The following FANCD2OS variants were observed in gnomAD, a reference collection of about 807,000 sequenced individuals.
FANCD2OS encodes the protein FANCD2 opposite strand protein.
In FANCD2OS, 11 loss-of-function variants were observed where a neutral mutation model predicts 13.2. The observed-to-expected ratio is 0.83, with a 90% CI of 0.52 to 1.38. FANCD2OS has a LOEUF of 1.38. FANCD2OS is among the 40% of genes most tolerant of loss of function. FANCD2OS has a pLI of 0.00. For synonymous variants in FANCD2OS, 69 were observed against 84.5 expected (o/e 0.82, Z 1.01); for missense variants, 217 against 213.9 (o/e 1.01, Z -0.09).
chr3:10,100,591 C>T (rs1250134384), downstream of FANCD2OS, among the ~76,000 whole-genome samples: 1 of 152,126 alleles, frequency 6.6e-6, no homozygotes, highest in Non-Finnish European at 1.5e-5. Context: ...GGGCTGGTCT[C>T]GAACTCCTAA....
chr3:10,090,015 A>G (rs923961098), intron 2 of FANCD2OS, among the ~76,000 whole-genome samples: 1 of 152,200 alleles, frequency 6.6e-6, no homozygotes, highest in African/African-American at 2.4e-5. Context: ...ATAAACATAG[A>G]ACCAGGACTC....
downstream of FANCD2OS, chr3:10,099,459 C>CAA: frequency 2.2e-6 from 1 of 459,368 alleles, no homozygotes; most frequent in Non-Finnish European, 3.0e-6. Context: ...CCTATCTCCA[C>CAA]AAAAAAAATG....
intron 2 of FANCD2OS, chr3:10,094,178 A>T (rs1242870782): frequency 3.8e-6 from 3 of 786,710 alleles, no homozygotes; most frequent in East Asian, 2.5e-5. Flanking sequence ...TTTGTTTTTT[A>T]TATATATAAA....
chr3:10,108,296 G>C (rs1181175959), upstream of FANCD2OS: 2 of 152,230 alleles, frequency 1.3e-5, no homozygotes, highest in Non-Finnish European at 2.9e-5. Context: ...TGTTCGTGGC[G>C]CCTGGCAACC....
chr3:10,105,192 TAC>T, intron 1 of FANCD2OS, among the ~76,000 whole-genome samples: 1 of 152,326 alleles, frequency 6.6e-6, no homozygotes, highest in East Asian at 1.9e-4. Context: ...AGGGAATGAT[TAC>T]AAGTATTGAT....
chr3:10,106,475 T>C (rs1695497591), intron 1 of FANCD2OS, among the ~76,000 whole-genome samples: 1 of 152,218 alleles, frequency 6.6e-6, no homozygotes, highest in Non-Finnish European at 1.5e-5. Context: ...GTCCCTTTTC[T>C]TTCTAGCCAA....
In FANCD2OS at chr3:10,085,786, A is replaced by T. The variant is rs199616966; in HGVS notation, c.*44-4255T>A. ...CAAGTAGTTTTCCAGAAACTAAGCT[A>T]ACCCCTCTTACCTTGACTTCCTTAG... On this transcript the variant is annotated intron_variant, in intron 2 of 2. Transcript: ENST00000524279. 892 of 1,467,658 alleles carry T rather than the reference A, an allele frequency of 6.1e-4. 2 individuals carry two copies. The highest frequency in any genetic ancestry group is 7.7e-4 in the Non-Finnish European group (810 of 1,046,434). 90.9% of individuals were successfully genotyped at this position (1,467,658 alleles called of 1,614,324 possible).
At chr3:10,087,306 A>C (rs2125073397) in intron 2 of FANCD2OS, 1 of 1,413,518 alleles carries the variant, frequency 7.1e-7, no homozygotes, top group Non-Finnish European at 9.7e-7. Context: ...TTTTTAATGA[A>C]TAGGACTAAT....
intron 2 of FANCD2OS, among the ~76,000 whole-genome samples, chr3:10,091,308 T>C (rs1694593993): frequency 6.6e-6 from 1 of 151,604 alleles, no homozygotes; most frequent in African/African-American, 2.4e-5. Context: ...CTTGAACTCA[T>C]AGGCTCAAGC....
Position 10,104,356 on chromosome 3 carries a change from A to G in FANCD2OS, c.419T>C (p.Leu140Pro). ...TGTCATCTGAATCTGAGGCTCCTTC[A>G]GTCCAATGGGCCACTGGTGCTCCCT... ...ISREHQWPIG[L>P]KEPQIQMTVT... The change falls in exon 2 of 2, where the codon CTG becomes CCG. Residue 140 changes from leucine (L) to proline (P), a missense_variant. Physicochemically the swap from Leu to Pro is moderately conservative, Grantham distance 98 (BLOSUM62 -3). Coordinates refer to ENST00000450660, the MANE Select transcript of FANCD2OS (RefSeq NM_001164839.2). The G allele has an allele frequency of 6.2e-7, 1 of 1,614,228 alleles. No individual in the cohort carries two copies. The highest frequency in any genetic ancestry group is 8.5e-7 in the Non-Finnish European group (1 of 1,180,044).
intron 2 of FANCD2OS, among the ~76,000 whole-genome samples, chr3:10,085,574 T>C (rs970680189): frequency 6.6e-5 from 10 of 152,038 alleles, no homozygotes; most frequent in African/African-American, 2.4e-4. Context: ...GTATTTTTAG[T>C]AGAGACGGGA....
chr3:10,104,229 A>G lies in FANCD2OS; in HGVS notation c.*12T>C, dbSNP rs753004741. The G allele has an allele frequency of 3.1e-6, 5 of 1,590,880 alleles. No homozygotes were observed. The Middle Eastern group carries it at 5.1e-4, about 161-fold the overall frequency. On this transcript the variant is annotated 3_prime_UTR_variant, in exon 2 of 2. Transcript: ENST00000450660. ...GCATGGTGTGAGTAAATGGGGATCA[A>G]ATGAGGACCCTTTACTTGGAGTGCT...
rs150763563 is a variant in FANCD2OS, at chr3:10,084,463, CT to C, written c.*44-2933del. On this transcript the variant is annotated intron_variant, in intron 2 of 2. Coordinates refer to the FANCD2OS transcript ENST00000524279. ...TACCACCATGCCCAGCTGATTTTTC[CT>C]TTTTTTTTTCTTTGGTAGAGACGGG... Among the ~76,000 whole-genome samples, 952 of 149,102 alleles carry C rather than the reference CT, an allele frequency of 6.4e-3. 3 individuals carry two copies. The highest frequency in any genetic ancestry group is 9.2e-3 in the Non-Finnish European group (616 of 66,920).
At chr3:10,094,061 G>A (rs983138293) in intron 2 of FANCD2OS, among the ~76,000 whole-genome samples, 4 of 152,226 alleles carry the variant, frequency 2.6e-5, no homozygotes, top group African/African-American at 4.8e-5. Context: ...TCCATCGACT[G>A]TATCTGTGGT....
intron 2 of FANCD2OS, chr3:10,096,531 G>T: frequency 6.5e-7 from 1 of 1,546,906 alleles, no homozygotes; most frequent in Non-Finnish European, 8.9e-7. Context: ...GACAGCATCA[G>T]ATGGCATGTA....
intron 1 of FANCD2OS, among the ~76,000 whole-genome samples, chr3:10,107,676 G>A (rs1238681262): frequency 6.6e-6 from 1 of 151,968 alleles, no homozygotes; most frequent in Non-Finnish European, 1.5e-5. Flanking sequence ...GTCGCGGCGC[G>A]GTGGCTCAGG....
At position 10,104,088 on chromosome 3, in the gene FANCD2OS, G is replaced by A; in HGVS notation, c.*153C>T. ...CATTGGTCCTTTTTTGGAGGGGAAG[G>A]GATGAAAGGGGCTCCTGAATCATCA... On this transcript the variant is annotated 3_prime_UTR_variant, in exon 2 of 2. Coordinates refer to ENST00000450660, the MANE Select transcript of FANCD2OS (RefSeq NM_001164839.2). 3.0e-6 allele frequency: 2 copies of A among 658,920 alleles called. No individual in the cohort carries two copies. The highest frequency in any genetic ancestry group is 4.3e-5 in the South Asian group (2 of 46,666). 40.8% of individuals were successfully genotyped at this position (658,920 alleles called of 1,614,324 possible). A position where few individuals can be genotyped will look rare whatever the true frequency, so the allele number is the denominator to read the frequency against.
At chr3:10,090,203 A>G in intron 2 of FANCD2OS, 1 of 893,472 alleles carries the variant, frequency 1.1e-6, no homozygotes, top group Non-Finnish European at 1.9e-6. Context: ...AGAGGTAGGG[A>G]AGGAAGCTAC....
At chr3:10,082,401 A>G (rs542368699) in intron 2 of FANCD2OS, among the ~76,000 whole-genome samples, 3 of 152,228 alleles carry the variant, frequency 2.0e-5, no homozygotes, top group Non-Finnish European at 4.4e-5. Context: ...CATTCTTCAC[A>G]TGGCAGTAAG....
Sources: allele counts gnomAD v4.1 joint callset (sites outside exome capture counted in the v4.1 genomes callset), GRCh38; gene constraint gnomAD v4.1.1; transcripts MANE v1.5; gene names NCBI Gene and HGNC (gene_info 2026-07-23, HGNC 2026-07-21).